Variants in GTF2A1L observed in about 807,000 individuals in gnomAD.
The protein encoded by GTF2A1L is general transcription factor IIA subunit 1 like.
In GTF2A1L, 48 loss-of-function variants were observed where a neutral mutation model predicts 49.7. The ratio of observed to expected loss-of-function variants is 0.97; its 90% CI spans 0.77 to 1.23. The LOEUF is 1.23. Among genes scored for constraint, GTF2A1L ranks in the 50% most tolerant of loss-of-function variants. GTF2A1L has a pLI of 0.00. For synonymous variants in GTF2A1L, 246 were observed against 193.5 expected, an observed-to-expected ratio of 1.27 and a Z score of -2.25; for missense variants, 736 against 564.8, an observed-to-expected ratio of 1.30 and a Z score of -3.07.
At chr2:48,656,057 T>C (rs1039843461) in intron 6 of GTF2A1L, among the ~76,000 whole-genome samples, 2 of 152,250 alleles carry the variant, frequency 1.3e-5, no homozygotes, top group African/African-American at 4.8e-5. Context: ...ATGTATATAC[T>C]GCATTTTGTT....
At chr2:48,664,011 G>A (rs1438345220) in intron 6 of GTF2A1L, among the ~76,000 whole-genome samples, 3 of 152,192 alleles carry the variant, frequency 2.0e-5, no homozygotes, top group African/African-American at 4.8e-5. Context: ...CTGTGACCTC[G>A]TTAAACCCAC....
At chr2:48,650,447 T>C (rs1046295306) in intron 6 of GTF2A1L, among the ~76,000 whole-genome samples, 2 of 152,184 alleles carry the variant, frequency 1.3e-5, no homozygotes, top group Admixed American at 6.5e-5. Flanking sequence ...TCAAAATCAA[T>C]GTATGAGTGA....
chr2:48,650,146 T>C (rs536236654), intron 6 of GTF2A1L, among the ~76,000 whole-genome samples: 1 of 152,238 alleles, frequency 6.6e-6, no homozygotes. Flanking sequence ...ATATGTTCTC[T>C]TTGCATTGAC....
At position 48,624,459 on chromosome 2, in the gene GTF2A1L, T is replaced by TATAGATAG. The variant is rs3077611; in HGVS notation, c.247+3190_247+3197dup. ...TAAGGTGTTCACCATAGTGCTTTGATATAGATAGATAGATAGATAGATAGA... is the reference window on the plus strand; with the variant it reads ...TAAGGTGTTCACCATAGTGCTTTGATATAGATAGATAGATAGATAGATAGATAGATAGA... On this transcript the variant is annotated intron_variant, in intron 3 of 8. Coordinates refer to ENST00000403751, the MANE Select transcript of GTF2A1L (RefSeq NM_006872.5). Among the ~76,000 whole-genome samples the TATAGATAG allele has an allele frequency of 2.1e-3, 298 of 138,768 alleles. 16 individuals carry two copies. The highest frequency in any genetic ancestry group is 7.3e-3 in the African/African-American group (289 of 39,700). The allele number at this position is 138,768 out of a possible 152,430, so 91.0% of individuals were successfully genotyped here.
At chr2:48,675,608 A>G (rs1399948732) in intron 8 of GTF2A1L, among the ~76,000 whole-genome samples, 1 of 152,000 alleles carries the variant, frequency 6.6e-6, no homozygotes, top group East Asian at 1.9e-4. Flanking sequence ...AATAATAAAG[A>G]TATTATAGCG....
intron 3 of GTF2A1L, among the ~76,000 whole-genome samples, chr2:48,632,137 G>A (rs548612862): frequency 4.6e-5 from 7 of 152,180 alleles, no homozygotes; most frequent in African/African-American, 7.2e-5. Context: ...TGCTGTGAGC[G>A]TGGTCTCTTC....
At chr2:48,635,628 TTCCAATACCTACTTC>T (rs1553374205) in intron 3 of GTF2A1L, among the ~76,000 whole-genome samples, 5 of 152,040 alleles carry the variant, frequency 3.3e-5, no homozygotes, top group Non-Finnish European at 7.4e-5. Flanking sequence ...AAGAGTATAA[TTCCAATACCTACTTC>T]TGAGGTGCTT....
At chr2:48,644,966 G>T in intron 4 of GTF2A1L, 67 bp from the exon 5 acceptor site, 2 of 1,430,504 alleles carry the variant, frequency 1.4e-6, no homozygotes, top group East Asian at 2.4e-5. Context: ...CTCCCTGTGA[G>T]ATCAGGGAAA....
chr2:48,676,713 T>C (rs1320174303), intron 8 of GTF2A1L, among the ~76,000 whole-genome samples: 2 of 151,796 alleles, frequency 1.3e-5, no homozygotes, highest in African/African-American at 4.8e-5. Context: ...TTTAATTTTA[T>C]GTCTTCTGCA....
intron 1 of GTF2A1L, 118 bp downstream of exon 1, chr2:48,618,013 C>T: frequency 9.4e-7 from 1 of 1,065,410 alleles, no homozygotes; most frequent in Non-Finnish European, 1.4e-6. Context: ...TAAACCCTCT[C>T]TCTTCCTTAG....
At chr2:48,621,318 G>C in intron 3 of GTF2A1L, 28 bp downstream of exon 3, 1 of 1,613,598 alleles carries the variant, frequency 6.2e-7, no homozygotes, top group Non-Finnish European at 8.5e-7. Context: ...AATGAGTACT[G>C]TTAGTATCTT....
chr2:48,622,035 A>G (rs903282357), intron 3 of GTF2A1L, among the ~76,000 whole-genome samples: 5 of 152,210 alleles, frequency 3.3e-5, no homozygotes, highest in African/African-American at 1.2e-4. Context: ...TATTGGGTTT[A>G]GCTGAAATTC....
intron 6 of GTF2A1L, among the ~76,000 whole-genome samples, chr2:48,650,510 T>C (rs1217479776): frequency 6.6e-6 from 1 of 152,166 alleles, no homozygotes; most frequent in East Asian, 1.9e-4. Flanking sequence ...AGAGTTTTCA[T>C]TTTTCTTCTA....
At chr2:48,662,293 C>G (rs1412580866) in intron 6 of GTF2A1L, among the ~76,000 whole-genome samples, 1 of 152,142 alleles carries the variant, frequency 6.6e-6, no homozygotes, top group African/African-American at 2.4e-5. Context: ...CAATTATAAA[C>G]TAAAATTATG....
At chr2:48,652,915 C>T (rs1042776996) in intron 6 of GTF2A1L, among the ~76,000 whole-genome samples, 3 of 151,516 alleles carry the variant, frequency 2.0e-5, no homozygotes, top group Non-Finnish European at 2.9e-5. Context: ...AGGCTGGACT[C>T]GAACTAATTG....
chr2:48,669,698 T>C, intron 6 of GTF2A1L, 24 bp from the exon 7 acceptor site: 3 of 1,590,084 alleles, frequency 1.9e-6, no homozygotes, highest in Non-Finnish European at 2.6e-6. Flanking sequence ...ACTTGAACTT[T>C]ATTGTATTTC....
At chr2:48,650,334 G>C (rs1208134880) in intron 6 of GTF2A1L, among the ~76,000 whole-genome samples, 3 of 152,082 alleles carry the variant, frequency 2.0e-5, no homozygotes. Flanking sequence ...TCTACCCTAA[G>C]AGATTAAATC....
At chr2:48,673,448 C>A (rs543304778) in intron 8 of GTF2A1L, among the ~76,000 whole-genome samples, 1 of 150,538 alleles carries the variant, frequency 6.6e-6, no homozygotes, top group Non-Finnish European at 1.5e-5. Context: ...CTGCAAGCTC[C>A]GCCTCCCGGG....
intron 4 of GTF2A1L, among the ~76,000 whole-genome samples, chr2:48,642,752 A>G (rs1677269878): frequency 6.6e-6 from 1 of 152,060 alleles, no homozygotes; most frequent in South Asian, 2.1e-4. Flanking sequence ...GCTACTCAGG[A>G]GGCTGAGGCA....
Sources: gnomAD v4.1 joint callset for allele counts (sites outside exome capture counted in the v4.1 genomes callset) on GRCh38, gnomAD v4.1.1 for gene constraint, MANE v1.5 for transcripts, NCBI Gene and HGNC (gene_info 2026-07-23, HGNC 2026-07-21) for gene names.